KLHL29: variants seen among roughly 807,000 people sequenced by gnomAD.
KLHL29 encodes kelch-like protein 29.
A neutral mutation model predicts 80.4 loss-of-function variants in KLHL29; 21 were observed. The ratio of observed to expected loss-of-function variants is 0.26; its 90% CI spans 0.19 to 0.38. The LOEUF is 0.38. Ranked by LOEUF, KLHL29 falls within the 10% of genes least tolerant of loss-of-function variation. The pLI, the probability that KLHL29 is intolerant of heterozygous loss-of-function variation, is 1.00. For missense variants in KLHL29, 867 were observed against 1,223.9 expected (o/e 0.71, Z 4.35); for synonymous variants, 511 against 526.8 (o/e 0.97, Z 0.41).
Position 23,696,097 on chromosome 2 carries a change from A to G in KLHL29, c.1888A>G (p.Ser630Gly). The G allele has an allele frequency of 6.4e-7, 1 of 1,551,786 alleles. No homozygotes were observed. The highest frequency in any genetic ancestry group is 2.4e-5 in the East Asian group (1 of 40,920). Residue 630 changes from serine (S) to glycine (G), a missense_variant, in exon 10 of 14, where the codon AGT becomes GGT. Around this residue, in one of 2 missense-constraint regions of KLHL29, gnomAD observed 443 missense variants for 767.0 expected, o/e 0.58. Transcript: ENST00000486442. This position sits in a 1 kb window ranked among gnomAD's most constrained non-coding sequence, Gnocchi z 5.5. ...SLPFYDREFF[S>G]VVSAGDNIYL... ...GCCCTTCTATGACCGCGAGTTCTTC[A>G]GTGTAGTGAGTGCAGGGGACAACAT...
intron 2 of KLHL29, among the ~76,000 whole-genome samples, chr2:23,519,078 T>G (rs1238516414): frequency 6.6e-6 from 1 of 152,204 alleles, no homozygotes; most frequent in Non-Finnish European, 1.5e-5. Context: ...GCACAGACCA[T>G]GCCCTGGAAT....
chr2:23,513,717 C>T (rs1335379087), intron 2 of KLHL29, among the ~76,000 whole-genome samples: 1 of 152,042 alleles, frequency 6.6e-6, no homozygotes, highest in Admixed American at 6.6e-5. Context: ...AGGGAGAGAT[C>T]GGAAGTGCTG....
chr2:23,552,135 T>A (rs1572395862), intron 2 of KLHL29, among the ~76,000 whole-genome samples: 1 of 152,358 alleles, frequency 6.6e-6, no homozygotes, highest in East Asian at 1.9e-4. Flanking sequence ...TCACGGGTCC[T>A]GTGTTGTTAC....
intron 3 of KLHL29, among the ~76,000 whole-genome samples, chr2:23,597,302 T>G (rs1006588581): frequency 1.5e-5 from 2 of 130,560 alleles, no homozygotes; most frequent in African/African-American, 3.0e-5. Context: ...CTCTCATATA[T>G]ATATATATGT....
intron 3 of KLHL29, among the ~76,000 whole-genome samples, chr2:23,572,864 C>T (rs1017876334): frequency 6.6e-6 from 1 of 152,204 alleles, no homozygotes; most frequent in African/African-American, 2.4e-5. Flanking sequence ...CCGCGCCTGG[C>T]TAATTTTTTA....
At chr2:23,561,777 A>T (rs1667453396) in intron 2 of KLHL29, among the ~76,000 whole-genome samples, 1 of 151,802 alleles carries the variant, frequency 6.6e-6, no homozygotes, top group Admixed American at 6.6e-5. Flanking sequence ...GGAGGAAAAC[A>T]CGTCCTGAGG....
Position 23,691,822 on chromosome 2 carries a change from G to A in KLHL29, c.1228G>A (p.Ala410Thr). 6.4e-7 allele frequency: 1 copy of A among 1,551,606 alleles called. No individual in the cohort carries two copies. The highest frequency in any genetic ancestry group is 8.7e-7 in the Non-Finnish European group (1 of 1,147,012). The change falls in exon 7 of 14, where the codon GCG becomes ACG. Residue 410 changes from alanine (A) to threonine (T), a missense_variant. Around this residue, in one of 2 missense-constraint regions of KLHL29, gnomAD observed 443 missense variants for 767.0 expected, o/e 0.58. Coordinates refer to ENST00000486442, the MANE Select transcript of KLHL29 (RefSeq NM_052920.2). ...GGCCAACGCCAAGACACTGCTGGAG[G>A]CGGCCAGCAAGTTCCAGTTCCACAC... Reference protein sequence around the residue: ...DSANAKTLLEAASKFQFHTFC... With the variant: ...DSANAKTLLETASKFQFHTFC...
chr2:23,620,048 G>A (rs992391205), intron 3 of KLHL29, among the ~76,000 whole-genome samples: 8 of 152,172 alleles, frequency 5.3e-5, no homozygotes, highest in African/African-American at 1.7e-4. Flanking sequence ...TGTCAGGGGA[G>A]GCTTCTCCGA....
At chr2:23,582,093 G>A (rs538077135) in intron 3 of KLHL29, among the ~76,000 whole-genome samples, 2 of 152,162 alleles carry the variant, frequency 1.3e-5, no homozygotes, top group Non-Finnish European at 2.9e-5. Context: ...GGGCAAAACA[G>A]CTCCTATCAG....
intron 3 of KLHL29, among the ~76,000 whole-genome samples, chr2:23,597,923 A>G (rs1038940949): frequency 2.0e-5 from 3 of 151,616 alleles, no homozygotes; most frequent in Non-Finnish European, 4.4e-5. Context: ...TCACTCCTCC[A>G]TCTCAGTGGG....
intron 2 of KLHL29, among the ~76,000 whole-genome samples, chr2:23,508,105 C>T (rs908922708): frequency 2.0e-5 from 3 of 152,232 alleles, no homozygotes; most frequent in African/African-American, 7.2e-5. Flanking sequence ...AGACCCCACG[C>T]TTAGGACAGG....
intron 2 of KLHL29, among the ~76,000 whole-genome samples, chr2:23,534,578 A>G (rs1209885812): frequency 6.6e-6 from 1 of 151,778 alleles, no homozygotes; most frequent in Non-Finnish European, 1.5e-5. Context: ...GTTCCAGCCC[A>G]AGTTCCCGTC....
At chr2:23,465,696 C>G (rs1306015469) in intron 1 of KLHL29, among the ~76,000 whole-genome samples, 1 of 152,112 alleles carries the variant, frequency 6.6e-6, no homozygotes, top group Non-Finnish European at 1.5e-5. Flanking sequence ...TTCAGGATCC[C>G]CTTTAGGAGG....
At chr2:23,573,690 T>A (rs1026999335) in intron 3 of KLHL29, among the ~76,000 whole-genome samples, 1 of 152,200 alleles carries the variant, frequency 6.6e-6, no homozygotes, top group Non-Finnish European at 1.5e-5. Context: ...CCAGACCTCA[T>A]AAACAGCCAG....
At chr2:23,411,379 TTGTGTGTGTG>T (rs56103621) in intron 1 of KLHL29, among the ~76,000 whole-genome samples, 165 of 109,022 alleles carry the variant, frequency 1.5e-3, no homozygotes, top group South Asian at 3.8e-3. Flanking sequence ...GTTGCAAAAA[TTGTGTGTGTG>T]TGTGTGTGTG....
Position 23,453,958 on chromosome 2 carries a change from G to A in KLHL29, c.-153-21602G>A, listed in dbSNP as rs563324698. On this transcript the variant is annotated intron_variant, in intron 1 of 13. Coordinates refer to ENST00000486442, the MANE Select transcript of KLHL29 (RefSeq NM_052920.2). ...TTCTGTGTCCAGGGGATTTTACAGC[G>A]TTTGAAACCAGGGCAGTGAGCCTTA... is the stretch of plus-strand genomic sequence containing the variant. 9.9e-5 allele frequency among the ~76,000 whole-genome samples: 15 copies of A among 152,228 alleles called. No individual in the cohort carries two copies. In the South Asian group the frequency reaches 1.7e-3, roughly 17 times the overall value.
chr2:23,676,287 A>G (rs1670920582), intron 5 of KLHL29, among the ~76,000 whole-genome samples: 1 of 151,884 alleles, frequency 6.6e-6, no homozygotes, highest in African/African-American at 2.4e-5. Flanking sequence ...GGTTCACACC[A>G]TTCTCCTGCC....
chr2:23,394,679 T>G (rs972394039), intron 1 of KLHL29, among the ~76,000 whole-genome samples: 1 of 152,264 alleles, frequency 6.6e-6, no homozygotes, highest in East Asian at 1.9e-4. Flanking sequence ...GCTCACTGAT[T>G]ATCACAGTTG....
In KLHL29 at chr2:23,681,137, C is replaced by T. The variant is rs1233819398; in HGVS notation, c.941-3262C>T. 1.3e-5 allele frequency among the ~76,000 whole-genome samples: 2 copies of T among 152,262 alleles called. No homozygotes were observed. Among genetic ancestry groups the T allele is most frequent in the East Asian group, 1.9e-4 (1 of 5,198 alleles). On this transcript the variant is annotated intron_variant, in intron 5 of 13. Transcript: ENST00000486442. This position sits in a 1 kb window ranked among gnomAD's most constrained non-coding sequence, Gnocchi z 4.2. ...AGGCACAGCCTGAGAGCCTAAGCTCCTGCTTCGCCGGCCGGGCAGGCAGTG... is the reference window on the plus strand; with the variant it reads ...AGGCACAGCCTGAGAGCCTAAGCTCTTGCTTCGCCGGCCGGGCAGGCAGTG...
Sources: allele counts gnomAD v4.1 joint callset (sites outside exome capture counted in the v4.1 genomes callset), GRCh38; gene constraint gnomAD v4.1.1; regional missense constraint gnomAD v4.1.1; non-coding constraint Gnocchi (gnomAD v3.1); transcripts MANE v1.5; gene names NCBI Gene and HGNC (gene_info 2026-07-23, HGNC 2026-07-21).